Variants in KCNH8 observed in about 807,000 individuals in gnomAD.
The protein encoded by KCNH8 is potassium voltage-gated channel subfamily H member 8, also known as voltage-gated delayed rectifier potassium channel KCNH8.
In KCNH8, 70 loss-of-function variants were observed where a neutral mutation model predicts 103.6. The observed-to-expected ratio is 0.68, with a 90% CI of 0.56 to 0.82. KCNH8 has a LOEUF of 0.82. Ranked by LOEUF, KCNH8 falls within the 40% of genes least tolerant of loss-of-function variation. The pLI is 0.00. For missense variants in KCNH8, 1,217 were observed against 1,329.9 expected, an observed-to-expected ratio of 0.92 and a Z score of 1.32; for synonymous variants, 498 against 489.4, an observed-to-expected ratio of 1.02 and a Z score of -0.23.
Position 19,206,073 on chromosome 3 carries a change from C to T in KCNH8, c.77-47581C>T, listed in dbSNP as rs148673341. On this transcript the variant is annotated intron_variant, in intron 1 of 15. Coordinates refer to ENST00000328405, the MANE Select transcript of KCNH8 (RefSeq NM_144633.3). ...TGAGAACACAGGATGTTTGGTTTTC[C>T]ATTCCTGAGTTACTTCACTTAGAGT... Among the ~76,000 whole-genome samples the T allele has an allele frequency of 2.9e-4, 44 of 151,338 alleles. No individual in the cohort carries two copies. The East Asian group carries it at 7.0e-3, about 24-fold the overall frequency.
At chr3:19,254,019 A>G (rs1469474159) in intron 2 of KCNH8, 132 bp downstream of exon 2, 2 of 644,774 alleles carry the variant, frequency 3.1e-6, no homozygotes, top group Non-Finnish European at 2.7e-6. Flanking sequence ...CAGAAGTTCC[A>G]CAAATGACTT....
chr3:19,176,665 GCTTTTCTGA>G (rs1189529211), intron 1 of KCNH8, among the ~76,000 whole-genome samples: 1 of 152,032 alleles, frequency 6.6e-6, no homozygotes. Flanking sequence ...GAAAAAAGTA[GCTTTTCTGA>G]CATTACCTAT....
chr3:19,533,272 G>A, intron 15 of KCNH8, 123 bp from the exon 16 acceptor site: 4 of 624,850 alleles, frequency 6.4e-6, no homozygotes, highest in Middle Eastern at 4.3e-4. Context: ...AAATGTTTAA[G>A]AATAAATAAG....
chr3:19,428,687 G>A lies in KCNH8; in HGVS notation c.1178-9477G>A, dbSNP rs1476143549. ...GTGTTCTCCATTTTAGTGAGAAGAA[G>A]ACTGACAGAAAAAGAATAAGTAAAC... is the stretch of plus-strand genomic sequence containing the variant. On this transcript the variant is annotated intron_variant, in intron 7 of 15. Transcript: ENST00000328405. Among the ~76,000 whole-genome samples, 6 of 152,162 alleles carry A rather than the reference G, an allele frequency of 3.9e-5. No homozygotes were observed. The East Asian group carries it at 9.6e-4, about 24-fold the overall frequency.
chr3:19,168,796 A>T (rs2063310059), intron 1 of KCNH8, among the ~76,000 whole-genome samples: 1 of 152,350 alleles, frequency 6.6e-6, no homozygotes, highest in Non-Finnish European at 1.5e-5. Context: ...ATGAAAGTTC[A>T]TTATGAAATT....
intron 1 of KCNH8, among the ~76,000 whole-genome samples, chr3:19,235,329 A>G (rs1402183457): frequency 6.6e-6 from 1 of 152,178 alleles, no homozygotes; most frequent in Admixed American, 6.5e-5. Context: ...AAGCACATAA[A>G]AGATTTTTAA....
intron 11 of KCNH8, among the ~76,000 whole-genome samples, chr3:19,485,222 T>G (rs186275655): frequency 6.6e-6 from 1 of 152,284 alleles, no homozygotes; most frequent in African/African-American, 2.4e-5. Context: ...CACGGGTTAC[T>G]TCATAGGCCT....
chr3:19,374,004 T>A (rs975154387), intron 5 of KCNH8, among the ~76,000 whole-genome samples: 8 of 152,218 alleles, frequency 5.3e-5, no homozygotes, highest in Non-Finnish European at 1.2e-4. Context: ...TCTTTTACAT[T>A]TGCTGAGGAG....
intron 11 of KCNH8, among the ~76,000 whole-genome samples, chr3:19,488,169 G>C (rs2068248134): frequency 6.6e-6 from 1 of 152,118 alleles, no homozygotes; most frequent in South Asian, 2.1e-4. Context: ...TTTTCCTTCA[G>C]TTGGGGACAC....
At position 19,252,119 on chromosome 3, in the gene KCNH8, T is replaced by C. The variant is rs141353412; in HGVS notation, c.77-1535T>C. ...AATTCATTCATAGTGAACCTAAAAG[T>C]CACCCACCAACACATTTTTTGAATG... is the stretch of plus-strand genomic sequence containing the variant. On this transcript the variant is annotated intron_variant, in intron 1 of 15. Coordinates refer to ENST00000328405, the MANE Select transcript of KCNH8 (RefSeq NM_144633.3). Among the ~76,000 whole-genome samples the C allele has an allele frequency of 2.8e-3, 433 of 152,230 alleles. 2 individuals carry two copies. Among genetic ancestry groups the C allele is most frequent in the African/African-American group, 1.0e-2 (415 of 41,552 alleles).
Position 19,316,368 on chromosome 3 carries a change from C to T in KCNH8, c.443-26219C>T, listed in dbSNP as rs551045434. ...ATATCCCCTTAGTGGTAAAATCTCC[C>T]CTGGTTGAGATACACTGGTATACAA... On this transcript the variant is annotated intron_variant, in intron 3 of 15. Transcript: ENST00000328405. Among the ~76,000 whole-genome samples, 3 of 151,968 alleles carry T rather than the reference C, an allele frequency of 2.0e-5. No individual in the cohort carries two copies. In the East Asian group the frequency reaches 5.8e-4, roughly 29 times the overall value.
chr3:19,320,978 A>G (rs2065342694), intron 3 of KCNH8, among the ~76,000 whole-genome samples: 1 of 151,842 alleles, frequency 6.6e-6, no homozygotes, highest in Non-Finnish European at 1.5e-5. Context: ...TAAAAAAGGT[A>G]TTCATAGTAG....
At chr3:19,332,049 G>A (rs910390518) in intron 3 of KCNH8, among the ~76,000 whole-genome samples, 5 of 139,936 alleles carry the variant, frequency 3.6e-5, no homozygotes, top group South Asian at 2.2e-4. Context: ...TTTGCATTAC[G>A]TTAGTTTTTT....
chr3:19,306,237 G>A (rs764432862), intron 3 of KCNH8, among the ~76,000 whole-genome samples: 1 of 152,034 alleles, frequency 6.6e-6, no homozygotes, highest in Non-Finnish European at 1.5e-5. Context: ...ATGTATTAGT[G>A]AGTGATAATA....
chr3:19,437,811 A>C (rs1172325793), intron 7 of KCNH8, among the ~76,000 whole-genome samples: 1 of 152,174 alleles, frequency 6.6e-6, no homozygotes, highest in Non-Finnish European at 1.5e-5. Context: ...TCTTCTTATA[A>C]TTCCAAATGA....
At chr3:19,286,732 GTGT>G (rs1188266679) in intron 3 of KCNH8, among the ~76,000 whole-genome samples, 2 of 152,094 alleles carry the variant, frequency 1.3e-5, no homozygotes, top group African/African-American at 4.8e-5. Context: ...AATGATTTTT[GTGT>G]TGTATTGTTT....
chr3:19,151,082 T>G (rs1041128603), intron 1 of KCNH8, among the ~76,000 whole-genome samples: 1 of 152,094 alleles, frequency 6.6e-6, no homozygotes, highest in African/African-American at 2.4e-5. Context: ...TTAAACAAAA[T>G]TTTAGCCACA....
chr3:19,511,872 C>A (rs868042445), intron 12 of KCNH8, among the ~76,000 whole-genome samples: 1 of 151,970 alleles, frequency 6.6e-6, no homozygotes, highest in African/African-American at 2.4e-5. Context: ...TAAGTCACTG[C>A]AATGTTAGAT....
At chr3:19,410,415 G>A (rs1009360695) in intron 7 of KCNH8, among the ~76,000 whole-genome samples, 3 of 152,060 alleles carry the variant, frequency 2.0e-5, no homozygotes, top group African/African-American at 7.2e-5. Flanking sequence ...AAAGTTCATA[G>A]CACTAAACGC....
Sources: allele counts gnomAD v4.1 joint callset (sites outside exome capture counted in the v4.1 genomes callset), GRCh38; gene constraint gnomAD v4.1.1; transcripts MANE v1.5; gene names NCBI Gene and HGNC (gene_info 2026-07-23, HGNC 2026-07-21).